MYSM1: variants seen among roughly 807,000 people sequenced by gnomAD.
MYSM1 encodes deubiquitinase MYSM1.
A neutral mutation model predicts 116.0 loss-of-function variants in MYSM1; 51 were observed. The observed-to-expected ratio is 0.44, with a 90% CI of 0.35 to 0.56. The LOEUF (loss-of-function observed/expected upper bound fraction) is 0.56. Ranked by LOEUF, MYSM1 falls within the 20% of genes least tolerant of loss-of-function variation. The probability of loss-of-function intolerance (pLI) is 0.00; values close to 1 mark genes in which losing one functional copy is unlikely to be tolerated. For missense variants in MYSM1, 900 were observed against 974.9 expected, an observed-to-expected ratio of 0.92 and a Z score of 1.02; for synonymous variants, 313 against 315.2, an observed-to-expected ratio of 0.99 and a Z score of 0.07.
At chr1:58,670,364 A>C (rs1644542293) in intron 12 of MYSM1, among the ~76,000 whole-genome samples, 1 of 152,220 alleles carries the variant, frequency 6.6e-6, no homozygotes, top group Non-Finnish European at 1.5e-5. Flanking sequence ...AAGTTGCTGA[A>C]GGACTAGAAA....
At chr1:58,668,532 T>C in intron 14 of MYSM1, 100 bp downstream of exon 14, 2 of 1,431,196 alleles carry the variant, frequency 1.4e-6, no homozygotes, top group Non-Finnish European at 1.8e-6. Context: ...ACAGTTAAGA[T>C]CCAAAATACA....
chr1:58,671,860 AACACT>A lies in MYSM1; in HGVS notation c.1661+5_1661+9del. 1 of 1,602,870 alleles carries A rather than the reference AACACT, an allele frequency of 6.2e-7. No individual in the cohort carries two copies. The highest frequency in any genetic ancestry group is 8.5e-7 in the Non-Finnish European group (1 of 1,173,876). ...AAATGTTTAAAAACCACATTTATAT[AACACT>A]ACACCTTTTTGTTGGTCTTGGCACT... On this transcript the variant is annotated splice_donor_5th_base_variant and intron_variant, in intron 12 of 19. Transcript: ENST00000472487.
chr1:58,698,102 A>ATATATATATATATTTTTTTTTTT, intron 1 of MYSM1, among the ~76,000 whole-genome samples: 4 of 7,770 alleles, frequency 5.1e-4, no homozygotes, highest in Non-Finnish European at 1.1e-3. Context: ...ATATATATAT[A>ATATATATATATATTTTTTTTTTT]TTTTTTTTTT....
intron 8 of MYSM1, among the ~76,000 whole-genome samples, chr1:58,678,511 C>G (rs896649971): frequency 6.6e-6 from 1 of 152,068 alleles, no homozygotes; most frequent in Admixed American, 6.5e-5. Context: ...TCTTTTCCCC[C>G]TAACAAATAA....
intron 13 of MYSM1, 31 bp downstream of exon 13, chr1:58,668,953 C>T: frequency 6.5e-7 from 1 of 1,541,532 alleles, no homozygotes; most frequent in South Asian, 1.2e-5. Flanking sequence ...CGGGGATTGT[C>T]TACTGTCATT....
At chr1:58,695,311 T>A in intron 1 of MYSM1, 104 bp from the exon 2 acceptor site, 1 of 235,776 alleles carries the variant, frequency 4.2e-6, no homozygotes, top group Admixed American at 5.8e-5. Flanking sequence ...ACTAAGCAAA[T>A]ACTTAGTTCC....
chr1:58,694,117 C>G (rs749111738), intron 2 of MYSM1, among the ~76,000 whole-genome samples: 3 of 152,232 alleles, frequency 2.0e-5, no homozygotes, highest in Non-Finnish European at 4.4e-5. Context: ...CCCTCACTGA[C>G]AATTTAATCT....
rs1644754005 is a variant in MYSM1 at position 58,682,076 on chromosome 1, C to T, written c.968G>A (p.Cys323Tyr). Reference sequence around the variant, plus strand: ...TATTCCCCTTCCATCATGCTTGTTGCAGTTTTTAATCAATTCATTAAATTT... The same window carrying T: ...TATTCCCCTTCCATCATGCTTGTTGTAGTTTTTAATCAATTCATTAAATTT... ...DQKFNELIKN[C>Y]NKHDGRGIIV... Residue 323 changes from cysteine (C) to tyrosine (Y), a missense_variant, in exon 8 of 20, where the codon TGC (cysteine) becomes TAC (tyrosine). By Grantham distance (194) the Cys-to-Tyr change is radical (BLOSUM62 -2). Around this residue, in one of 3 missense-constraint regions of MYSM1, gnomAD observed 622 missense variants for 623.7 expected, o/e 1.00. Transcript: ENST00000472487. The T allele has an allele frequency of 1.2e-6, 2 of 1,614,072 alleles. No homozygotes were observed. The highest frequency in any genetic ancestry group is 1.7e-6 in the Non-Finnish European group (2 of 1,180,000).
chr1:58,675,364 C>T (rs1243971106), intron 10 of MYSM1, 113 bp downstream of exon 10: 7 of 704,512 alleles, frequency 9.9e-6, no homozygotes, highest in Non-Finnish European at 1.2e-5. Context: ...CAAGAGGAAA[C>T]ATGTTTTTCT....
In MYSM1 at chr1:58,661,632, C is replaced by T. The variant is rs534480169; in HGVS notation, c.2165-121G>A. The T allele has an allele frequency of 2.0e-5, 12 of 587,862 alleles. No homozygotes were observed. In the African/African-American group the frequency reaches 2.2e-4, roughly 11 times the overall value. 36.4% of individuals were successfully genotyped at this position (587,862 alleles called of 1,614,324 possible). A position where few individuals can be genotyped will look rare whatever the true frequency, so the allele number is the denominator to read the frequency against. ...GCCATAGCTTTGCAGATCAGCTGAA[C>T]AGCACTTTAAACATAGTGGGCATTC... On this transcript the variant is annotated intron_variant, in intron 17 of 19. Transcript: ENST00000472487.
chr1:58,698,429 G>T (rs757164853), intron 1 of MYSM1, among the ~76,000 whole-genome samples: 4 of 151,848 alleles, frequency 2.6e-5, no homozygotes, highest in African/African-American at 9.7e-5. Flanking sequence ...TACTCCTTGG[G>T]GTTGTATAAG....
intron 2 of MYSM1, among the ~76,000 whole-genome samples, chr1:58,694,549 A>G (rs1644946463): frequency 1.3e-5 from 2 of 151,988 alleles, no homozygotes; most frequent in South Asian, 4.2e-4. Flanking sequence ...TGAATGTGGG[A>G]GGCAGAGGTT....
rs750911107 is a variant in MYSM1 at position 58,699,978 on chromosome 1, G to A, written c.68+7C>T. 4 of 1,613,426 alleles carry A rather than the reference G, an allele frequency of 2.5e-6. No homozygotes were observed. Among genetic ancestry groups the A allele is most frequent in the Non-Finnish European group, 3.4e-6 (4 of 1,179,980 alleles). On this transcript the variant is annotated splice_region_variant and intron_variant, in intron 1 of 19. Transcript: ENST00000472487. ...CGCCCCAGAGAGACCCGGTCTCTAA[G>A]CCTCACCCTGGCTGTGCCCCCGCCG...
intron 9 of MYSM1, among the ~76,000 whole-genome samples, chr1:58,675,803 T>C (rs1301025012): frequency 1.3e-5 from 2 of 152,228 alleles, no homozygotes; most frequent in African/African-American, 2.4e-5. Flanking sequence ...TTGCTAACTT[T>C]GGCAGTCTAA....
At chr1:58,689,247 A>C in intron 5 of MYSM1, 131 bp from the exon 6 acceptor site, 1 of 674,814 alleles carries the variant, frequency 1.5e-6, no homozygotes, top group Non-Finnish European at 2.4e-6. Flanking sequence ...ATAAACAAAC[A>C]AACAAAACAA....
Position 58,659,958 on chromosome 1 carries a change from C to A in MYSM1, c.*39G>T, listed in dbSNP as rs1345984116. On this transcript the variant is annotated 3_prime_UTR_variant, in exon 20 of 20. Transcript: ENST00000472487. ...AAGTTTATAACTTTGAAAGTAAGAT[C>A]TACTGTGTCAAGATTAAAATGTCTT... is the stretch of plus-strand genomic sequence containing the variant. 1.6e-6 allele frequency: 2 copies of A among 1,262,828 alleles called. No homozygotes were observed. The highest frequency in any genetic ancestry group is 2.1e-5 in the South Asian group (1 of 47,954). The allele number at this position is 1,262,828 out of a possible 1,614,324, so 78.2% of individuals were successfully genotyped here.
intron 1 of MYSM1, among the ~76,000 whole-genome samples, chr1:58,698,102 A>ATATATATATATATATATATT: frequency 1.3e-3 from 10 of 7,764 alleles, no homozygotes; most frequent in African/African-American, 2.1e-3. Context: ...ATATATATAT[A>ATATATATATATATATATATT]TTTTTTTTTT....
chr1:58,682,635 T>A, intron 7 of MYSM1, 90 bp from the exon 8 acceptor site: 1 of 1,196,942 alleles, frequency 8.4e-7, no homozygotes, highest in Non-Finnish European at 1.1e-6. Context: ...TATACAGTGT[T>A]ATTAAACTGA....
chr1:58,697,356 G>C (rs1160767072), intron 1 of MYSM1, among the ~76,000 whole-genome samples: 1 of 152,154 alleles, frequency 6.6e-6, no homozygotes, highest in African/African-American at 2.4e-5. Context: ...ACTTAAGAGA[G>C]AGATCTGGGT....
Sources: allele counts gnomAD v4.1 joint callset (sites outside exome capture counted in the v4.1 genomes callset), GRCh38; gene constraint gnomAD v4.1.1; regional missense constraint gnomAD v4.1.1; transcripts MANE v1.5; gene names NCBI Gene and HGNC (gene_info 2026-07-23, HGNC 2026-07-21).